Variants in GPR37 observed in about 807,000 individuals in gnomAD.
The protein encoded by GPR37 is prosaposin receptor GPR37.
Under a neutral mutation model 43.6 loss-of-function variants are expected in GPR37, and 20 were observed. The ratio of observed to expected loss-of-function variants is 0.46; its 90% CI spans 0.32 to 0.67. The LOEUF (loss-of-function observed/expected upper bound fraction) is 0.67. Among genes scored for constraint, GPR37 ranks in the 30% least tolerant of loss-of-function variants. The pLI, the probability that GPR37 is intolerant of heterozygous loss-of-function variation, is 0.03. For synonymous variants in GPR37, 315 were observed against 322.6 expected, an observed-to-expected ratio of 0.98 and a Z score of 0.25; for missense variants, 724 against 797.2, an observed-to-expected ratio of 0.91 and a Z score of 1.11.
chr7:124,755,543 T>C (rs1203682289), intron 1 of GPR37, among the ~76,000 whole-genome samples: 3 of 152,122 alleles, frequency 2.0e-5, no homozygotes, highest in Non-Finnish European at 4.4e-5. Context: ...ATGATGTCTA[T>C]AGCACAGTAC....
chr7:124,746,739 C>G lies in GPR37; in HGVS notation c.1628G>C (p.Cys543Ser). The G allele has an allele frequency of 6.2e-7, 1 of 1,613,908 alleles. No homozygotes were observed. The highest frequency in any genetic ancestry group is 1.3e-5 in the African/African-American group (1 of 75,024). ...ACAGAAAAGGAGGACTGGGGTGACA[C>G]AGGACTTAAAGAACAAAAGGAACTG... is the stretch of plus-strand genomic sequence containing the variant. Reference protein sequence around the residue: ...ISQFLLFFKSCVTPVLLFCLC... With the variant: ...ISQFLLFFKSSVTPVLLFCLC... Residue 543 changes from cysteine (C) to serine (S), a missense_variant, in exon 2 of 2, where the codon TGT becomes TCT. Around this residue, in one of 2 missense-constraint regions of GPR37, gnomAD observed 342 missense variants for 441.8 expected, o/e 0.77. Coordinates refer to ENST00000303921, the MANE Select transcript of GPR37 (RefSeq NM_005302.5).
At chr7:124,750,836 A>G (rs2116312436) in intron 1 of GPR37, among the ~76,000 whole-genome samples, 1 of 152,238 alleles carries the variant, frequency 6.6e-6, no homozygotes, top group Admixed American at 6.5e-5. Flanking sequence ...TTTACCTTCA[A>G]TCTCATAAGA....
chr7:124,755,826 T>C (rs1186140059), intron 1 of GPR37, among the ~76,000 whole-genome samples: 2 of 152,206 alleles, frequency 1.3e-5, no homozygotes, highest in Admixed American at 6.5e-5. Context: ...AATCTTAAAG[T>C]GACCTGGAAT....
rs553742366 is a variant in GPR37 at position 124,763,415 on chromosome 7, A to G, written c.1023+539T>C. Among the ~76,000 whole-genome samples the G allele has an allele frequency of 8.3e-4, 126 of 152,308 alleles. 2 individuals carry two copies. The South Asian group carries it at 0.025, about 30-fold the overall frequency. ...TAAACTAATTTGAGAGGTTATTAAT[A>G]TATCATGAGGCCAACTGACAAACAC... On this transcript the variant is annotated intron_variant, in intron 1 of 1. Coordinates refer to ENST00000303921, the MANE Select transcript of GPR37 (RefSeq NM_005302.5).
intron 1 of GPR37, among the ~76,000 whole-genome samples, chr7:124,760,912 C>A (rs560746230): frequency 6.6e-6 from 1 of 152,266 alleles, no homozygotes; most frequent in South Asian, 2.1e-4. Flanking sequence ...AATCCCAGAA[C>A]TTTGGGACGC....
chr7:124,765,426 T>G lies in GPR37; in HGVS notation c.-450A>C, dbSNP rs1207701898. 1 of 158,256 alleles carries G rather than the reference T, an allele frequency of 6.3e-6. No homozygotes were observed. The highest frequency in any genetic ancestry group is 6.5e-5 in the Admixed American group (1 of 15,432). 9.8% of individuals were successfully genotyped at this position (158,256 alleles called of 1,614,324 possible). ...TCCTTTCGACAGCGTTTGATCCAGT[T>G]GCAAGCCGAGGTCTCTAGAGGAAAA... is the stretch of plus-strand genomic sequence containing the variant. On this transcript the variant is annotated 5_prime_UTR_variant, in exon 1 of 2. Transcript: ENST00000303921.
chr7:124,764,815 C>A lies in GPR37; in HGVS notation c.162G>T (p.Arg54Ser). 1 of 1,613,684 alleles carries A rather than the reference C, an allele frequency of 6.2e-7. No individual in the cohort carries two copies. Among genetic ancestry groups the A allele is most frequent in the Non-Finnish European group, 8.5e-7 (1 of 1,180,034 alleles). ...CAPTVIQRRG[R>S]DAWGPGNSAR... ...CAGAATTTCCCGGTCCCCAGGCGTC[C>A]CTGCCGCGGCGCTGGATCACTGTAG... Residue 54 changes from arginine (R) to serine (S), a missense_variant, in exon 1 of 2, where the codon AGG becomes AGT. Around this residue, in one of 2 missense-constraint regions of GPR37, gnomAD observed 382 missense variants for 355.4 expected, o/e 1.07. Transcript: ENST00000303921. The surrounding 1 kb of genome is among the most constrained non-coding windows in gnomAD (Gnocchi z 5.4).
intron 1 of GPR37, among the ~76,000 whole-genome samples, chr7:124,759,228 C>T (rs915290499): frequency 3.3e-5 from 5 of 151,876 alleles, no homozygotes; most frequent in Admixed American, 1.3e-4. Flanking sequence ...CACCACATCC[C>T]GTTAATTTTT....
At position 124,747,352 on chromosome 7, in the gene GPR37, G is replaced by A. The variant is rs776609602; in HGVS notation, c.1024-9C>T. 5 of 1,562,402 alleles carry A rather than the reference G, an allele frequency of 3.2e-6. No homozygotes were observed. In the South Asian group the frequency reaches 5.8e-5, roughly 18 times the overall value. ...ACTCCCAGAGAAGCGACCTGTGGGG[G>A]AACATAGAAGACATTTATTCCCGGT... is the stretch of plus-strand genomic sequence containing the variant. On this transcript the variant is annotated splice_polypyrimidine_tract_variant and intron_variant, in intron 1 of 1. Transcript: ENST00000303921.
At chr7:124,748,716 A>T (rs1474092840) in intron 1 of GPR37, among the ~76,000 whole-genome samples, 1 of 152,146 alleles carries the variant, frequency 6.6e-6, no homozygotes, top group East Asian at 1.9e-4. Flanking sequence ...TGGAGCATAA[A>T]ACTCTTTGAC....
chr7:124,758,759 A>G (rs1417167150), intron 1 of GPR37, among the ~76,000 whole-genome samples: 2 of 152,326 alleles, frequency 1.3e-5, no homozygotes, highest in South Asian at 2.1e-4. Flanking sequence ...GGCCATGGTA[A>G]GACATGTTCC....
At chr7:124,752,519 G>T (rs914143127) in intron 1 of GPR37, among the ~76,000 whole-genome samples, 5 of 152,118 alleles carry the variant, frequency 3.3e-5, no homozygotes, top group Admixed American at 1.3e-4. Context: ...TTTCTGGCAT[G>T]CTCACTGTGA....
rs1389142280 is a variant in GPR37 at position 124,764,948 on chromosome 7, C to A, written c.29G>T (p.Arg10Leu). The A allele has an allele frequency of 7.3e-6, 11 of 1,515,736 alleles. No homozygotes were observed. The highest frequency in any genetic ancestry group is 1.4e-5 in the African/African-American group (1 of 72,010). 93.9% of individuals were successfully genotyped at this position (1,515,736 alleles called of 1,614,324 possible). A position where few individuals can be genotyped will look rare whatever the true frequency, so the allele number is the denominator to read the frequency against. The change falls in exon 1 of 2, where the codon CGC (arginine) becomes CTC (leucine). Residue 10 changes from arginine to leucine, a missense_variant. This residue lies in a region of GPR37 where 382 missense variants were observed against 355.4 expected (regional missense o/e 1.07). Coordinates refer to ENST00000303921, the MANE Select transcript of GPR37 (RefSeq NM_005302.5). This position sits in a 1 kb window ranked among gnomAD's most constrained non-coding sequence, Gnocchi z 5.4. MRAPGALLARMSRLLLLLLL... is the reference protein window; with the variant it reads MRAPGALLALMSRLLLLLLL... ...TAGCAGAAGCAGTAGCCGCGACATG[C>A]GGGCGAGAAGCGCGCCCGGGGCTCG...
rs371665904 is a variant in GPR37 at position 124,762,799 on chromosome 7, TC to T, written c.1023+1154del. ...GTAGGTACTGTTTTCTGTTTACTTA[TC>T]CCCCAGCTTTAGGCCTGGAACAATG... On this transcript the variant is annotated intron_variant, in intron 1 of 1. Transcript: ENST00000303921. Among the ~76,000 whole-genome samples the T allele has an allele frequency of 3.4e-4, 52 of 152,306 alleles. 1 individual carries two copies. The highest frequency in any genetic ancestry group is 1.1e-3 in the African/African-American group (47 of 41,554).
intron 1 of GPR37, among the ~76,000 whole-genome samples, chr7:124,750,129 T>G (rs893569616): frequency 5.9e-5 from 9 of 152,122 alleles, no homozygotes; most frequent in African/African-American, 1.9e-4. Context: ...CTTCCTAAAA[T>G]TCTATATCAA....
At chr7:124,763,923 C>T (rs1337114865) in intron 1 of GPR37, 31 bp downstream of exon 1, 3 of 1,600,026 alleles carry the variant, frequency 1.9e-6, no homozygotes, top group Non-Finnish European at 2.6e-6. Flanking sequence ...CAGATAAAGC[C>T]ACTAGCTTGA....
chr7:124,760,831 C>T (rs1793842490), intron 1 of GPR37, among the ~76,000 whole-genome samples: 1 of 152,106 alleles, frequency 6.6e-6, no homozygotes, highest in African/African-American at 2.4e-5. Flanking sequence ...TGGATTAGAA[C>T]ATTATCTATG....
In GPR37 at chr7:124,747,239, A is replaced by G. The variant is rs768417202; in HGVS notation, c.1128T>C (p.Cys376=). The G allele has an allele frequency of 1.9e-6, 3 of 1,613,876 alleles. No homozygotes were observed. Among genetic ancestry groups the G allele is most frequent in the South Asian group, 2.2e-5 (2 of 91,074 alleles). ...CAGCAAGTTTGGCAGTTGTTGAGGA[A>G]CAGTTTTCGATCATTTCGTAGTACA... ...VQMYYEMIEN[C]SSTTAKLAVI... Residue 376 remains cysteine, a synonymous_variant, in exon 2 of 2, where the codon TGT becomes TGC. Coordinates refer to ENST00000303921, the MANE Select transcript of GPR37 (RefSeq NM_005302.5).
chr7:124,747,429 T>TAA (rs960518172), intron 1 of GPR37, 86 bp from the exon 2 acceptor site: 1 of 737,590 alleles, frequency 1.4e-6, no homozygotes, highest in Non-Finnish European at 2.2e-6. Context: ...GGCAAAACTG[T>TAA]AAAAAAAAAT....
Sources: allele counts gnomAD v4.1 joint callset (sites outside exome capture counted in the v4.1 genomes callset), GRCh38; gene constraint gnomAD v4.1.1; regional missense constraint gnomAD v4.1.1; non-coding constraint Gnocchi (gnomAD v3.1); transcripts MANE v1.5; gene names NCBI Gene and HGNC (gene_info 2026-07-23, HGNC 2026-07-21).